The following PLPP1 variants were observed in gnomAD, a reference collection of about 807,000 sequenced individuals.
PLPP1 encodes the protein lipid phosphate phosphohydrolase 1a.
In PLPP1, 24 loss-of-function variants were observed where a neutral mutation model predicts 31.2. The observed-to-expected ratio is 0.77, with a 90% CI of 0.56 to 1.08. The LOEUF is 1.08. Among genes scored for constraint, PLPP1 ranks in the 50% least tolerant of loss-of-function variants. PLPP1 has a pLI of 0.00. For synonymous variants in PLPP1, 146 were observed against 126.3 expected (o/e 1.16, Z -1.05); for missense variants, 319 against 342.7 (o/e 0.93, Z 0.55).
chr5:55,448,088 G>T (rs188692003), intron 3 of PLPP1, among the ~76,000 whole-genome samples: 33 of 152,284 alleles, frequency 2.2e-4, no homozygotes, highest in Non-Finnish European at 3.5e-4. Flanking sequence ...GCTACAAATG[G>T]ATATATGAGC....
intron 2 of PLPP1, among the ~76,000 whole-genome samples, chr5:55,475,095 T>C (rs1357138960): frequency 6.6e-6 from 1 of 152,158 alleles, no homozygotes; most frequent in African/African-American, 2.4e-5. Context: ...CATGTCACCA[T>C]GCCTGGCTCT....
At chr5:55,495,132 CAA>C (rs36000140) in intron 1 of PLPP1, among the ~76,000 whole-genome samples, 278 of 114,158 alleles carry the variant, frequency 2.4e-3, no homozygotes, top group Admixed American at 4.7e-3. Flanking sequence ...ACTCTGTCTC[CAA>C]AAAAAAAAAA....
rs141769820 is a variant in PLPP1 at position 55,430,301 on chromosome 5, C to G, written c.550-4262G>C. Among the ~76,000 whole-genome samples, 133 of 152,352 alleles carry G rather than the reference C, an allele frequency of 8.7e-4. 1 individual carries two copies. Among genetic ancestry groups the G allele is most frequent in the African/African-American group, 2.9e-3 (122 of 41,580 alleles). Reference sequence around the variant, plus strand: ...ACCCAAGAATCAGCCCACCTGGACCCTCTAACATCAGTGCCAGCATACACT... The same window carrying G: ...ACCCAAGAATCAGCCCACCTGGACCGTCTAACATCAGTGCCAGCATACACT... On this transcript the variant is annotated intron_variant, in intron 4 of 5. Coordinates refer to ENST00000307259, the MANE Select transcript of PLPP1 (RefSeq NM_003711.4).
In PLPP1 at chr5:55,500,359, G is replaced by A. The variant is rs907080190; in HGVS notation, c.59-24909C>T. Among the ~76,000 whole-genome samples the A allele has an allele frequency of 1.1e-4, 17 of 152,166 alleles. No individual in the cohort carries two copies. In the East Asian group the frequency reaches 2.9e-3, roughly 26 times the overall value. ...CTCCCAAAGTCTTGGGATTACAGGC[G>A]TGAGCCACCACGCCTGGCCTAAAAT... is the stretch of plus-strand genomic sequence containing the variant. On this transcript the variant is annotated intron_variant, in intron 1 of 5. Transcript: ENST00000307259.
At chr5:55,512,733 C>CACATACACACAT (rs1753465185) in intron 1 of PLPP1, among the ~76,000 whole-genome samples, 1 of 151,812 alleles carries the variant, frequency 6.6e-6, no homozygotes, top group South Asian at 2.1e-4. Context: ...TACACACACA[C>CACATACACACAT]ACACACACAC....
chr5:55,435,167 A>C (rs1673917547), intron 4 of PLPP1, among the ~76,000 whole-genome samples: 1 of 152,224 alleles, frequency 6.6e-6, no homozygotes, highest in East Asian at 1.9e-4. Context: ...CTAACCAGGA[A>C]AATGCAAGTC....
intron 2 of PLPP1, 137 bp downstream of exon 2, chr5:55,475,162 T>C (rs1437711762): frequency 7.5e-6 from 6 of 797,310 alleles, no homozygotes; most frequent in Non-Finnish European, 1.1e-5. Flanking sequence ...ATTCTCTTGA[T>C]CAAATAAAGC....
In PLPP1 at chr5:55,534,713, G is replaced by C; in HGVS notation, c.-84C>G. 1 of 1,404,558 alleles carries C rather than the reference G, an allele frequency of 7.1e-7. No individual in the cohort carries two copies. The highest frequency in any genetic ancestry group is 9.6e-7 in the Non-Finnish European group (1 of 1,045,588). The allele number at this position is 1,404,558 out of a possible 1,614,324, so 87.0% of individuals were successfully genotyped here. On this transcript the variant is annotated 5_prime_UTR_variant, in exon 1 of 6. Coordinates refer to ENST00000307259, the MANE Select transcript of PLPP1 (RefSeq NM_003711.4). ...GGCCCTTGATTCTCGAGCCCGGGCC[G>C]GGGCTGGCGACGGCCCCGAGCTACG...
At chr5:55,508,489 C>G (rs1274470176) in intron 1 of PLPP1, among the ~76,000 whole-genome samples, 1 of 152,146 alleles carries the variant, frequency 6.6e-6, no homozygotes, top group Non-Finnish European at 1.5e-5. Context: ...ACAAGGCAGG[C>G]CTTCAACAAA....
chr5:55,472,063 A>C (rs1752427032), intron 2 of PLPP1, among the ~76,000 whole-genome samples: 1 of 152,226 alleles, frequency 6.6e-6, no homozygotes, highest in Non-Finnish European at 1.5e-5. Flanking sequence ...TTGAGGCTGC[A>C]GTGAGCTCTG....
At chr5:55,441,996 G>A in intron 3 of PLPP1, 88 bp from the exon 4 acceptor site, 2 of 1,304,354 alleles carry the variant, frequency 1.5e-6, no homozygotes. Context: ...TAGTTTCAGA[G>A]TGTACACAAC....
intron 1 of PLPP1, among the ~76,000 whole-genome samples, chr5:55,511,383 A>T (rs1373512706): frequency 1.3e-5 from 2 of 152,188 alleles, no homozygotes; most frequent in Admixed American, 1.3e-4. Flanking sequence ...AAATACATAC[A>T]GTGAAATACC....
intron 4 of PLPP1, among the ~76,000 whole-genome samples, chr5:55,439,313 A>G (rs1336212116): frequency 6.6e-6 from 1 of 152,092 alleles, no homozygotes; most frequent in Non-Finnish European, 1.5e-5. Context: ...CAGCCATTCA[A>G]ACCACGCTCA....
In PLPP1 at chr5:55,477,053, A is replaced by AAC. The variant is rs1474008920; in HGVS notation, c.59-1604_59-1603insGT. Among the ~76,000 whole-genome samples the AAC allele has an allele frequency of 5.3e-5, 8 of 151,110 alleles. No individual in the cohort carries two copies. In the East Asian group the frequency reaches 1.6e-3, roughly 30 times the overall value. ...GCCTTAAAAGAAAAAAAAAAAAATA[A>AAC]TAAACTAGAGCTGACTTTGCTAACT... On this transcript the variant is annotated intron_variant, in intron 1 of 5. Transcript: ENST00000307259.
intron 1 of PLPP1, among the ~76,000 whole-genome samples, chr5:55,505,541 T>C (rs1753255560): frequency 6.6e-6 from 1 of 151,932 alleles, no homozygotes; most frequent in Non-Finnish European, 1.5e-5. Context: ...TGCCCACATA[T>C]TATCTCTAAT....
chr5:55,434,964 C>A (rs1210635854), intron 4 of PLPP1, among the ~76,000 whole-genome samples: 1 of 152,152 alleles, frequency 6.6e-6, no homozygotes, highest in East Asian at 1.9e-4. Flanking sequence ...AAGAGACAGT[C>A]TGTTGAATGG....
chr5:55,515,149 G>A (rs562495315), intron 1 of PLPP1, among the ~76,000 whole-genome samples: 184 of 152,284 alleles, frequency 1.2e-3, no homozygotes, highest in African/African-American at 4.2e-3. Context: ...GACTCTTTCC[G>A]CTATACTTGG....
rs780953657 is a variant in PLPP1, at chr5:55,425,173, C to T, written c.*33G>A. 1.3e-6 allele frequency: 2 copies of T among 1,592,648 alleles called. No individual in the cohort carries two copies. Among genetic ancestry groups the T allele is most frequent in the African/African-American group, 1.4e-5 (1 of 73,408 alleles). On this transcript the variant is annotated 3_prime_UTR_variant, in exon 6 of 6. Coordinates refer to ENST00000307259, the MANE Select transcript of PLPP1 (RefSeq NM_003711.4). Reference sequence around the variant, plus strand: ...GTGGCAATCATTTTCCTTTAGAAAACAGGCCAGCTTCACCTGGGCACCCTG... The same window carrying T: ...GTGGCAATCATTTTCCTTTAGAAAATAGGCCAGCTTCACCTGGGCACCCTG...
At chr5:55,487,698 C>A (rs998563841) in intron 1 of PLPP1, among the ~76,000 whole-genome samples, 61 of 152,094 alleles carry the variant, frequency 4.0e-4, no homozygotes, top group African/African-American at 1.3e-3. Flanking sequence ...AAATTATTTT[C>A]TATATATAAC....
Sources: allele counts gnomAD v4.1 joint callset (sites outside exome capture counted in the v4.1 genomes callset), GRCh38; gene constraint gnomAD v4.1.1; transcripts MANE v1.5; gene names NCBI Gene and HGNC (gene_info 2026-07-23, HGNC 2026-07-21).